The following CRB1 variants were observed in gnomAD, a reference collection of about 807,000 sequenced individuals.
CRB1 encodes the protein crumbs cell polarity complex component 1.
Under a neutral mutation model 120.0 loss-of-function variants are expected in CRB1, and 83 were observed. That is an observed-to-expected ratio of 0.69 (90% confidence interval 0.58 to 0.83). The LOEUF is 0.83. Ranked by LOEUF, CRB1 falls within the 40% of genes least tolerant of loss-of-function variation. The pLI, the probability that CRB1 is intolerant of heterozygous loss-of-function variation, is 0.00. For synonymous variants in CRB1, 625 were observed against 612.5 expected, an observed-to-expected ratio of 1.02 and a Z score of -0.30; for missense variants, 1,699 against 1,687.6, an observed-to-expected ratio of 1.01 and a Z score of -0.12.
At chr1:197,318,484 C>T (rs183428557) in intron 1 of CRB1, among the ~76,000 whole-genome samples, 3 of 152,278 alleles carry the variant, frequency 2.0e-5, no homozygotes, top group African/African-American at 7.2e-5. Flanking sequence ...TATGATCCAG[C>T]AATCCCACTA....
At chr1:197,290,368 G>T (rs1232385233) in intron 1 of CRB1, among the ~76,000 whole-genome samples, 4 of 150,024 alleles carry the variant, frequency 2.7e-5, no homozygotes, top group African/African-American at 9.8e-5. Flanking sequence ...AGAGTCTCAG[G>T]GTTTTGATTT....
chr1:197,463,235 C>T (rs1430908661), intron 11 of CRB1, among the ~76,000 whole-genome samples: 3 of 152,138 alleles, frequency 2.0e-5, no homozygotes, highest in Non-Finnish European at 4.4e-5. Flanking sequence ...TCTATGCAGA[C>T]ACTGTTTGTA....
chr1:197,469,107 C>G (rs1272627931), intron 11 of CRB1, among the ~76,000 whole-genome samples: 1 of 152,108 alleles, frequency 6.6e-6, no homozygotes, highest in Non-Finnish European at 1.5e-5. Context: ...GTAATCCTAG[C>G]ACTTTGGGAA....
chr1:197,402,669 C>A (rs1419045009), intron 5 of CRB1, among the ~76,000 whole-genome samples: 1 of 152,248 alleles, frequency 6.6e-6, no homozygotes, highest in African/African-American at 2.4e-5. Context: ...GTCCCTTTAT[C>A]TCTGGGATAG....
intron 5 of CRB1, chr1:197,363,892 C>A: frequency 8.7e-7 from 1 of 1,155,970 alleles, no homozygotes; most frequent in East Asian, 2.3e-5. Context: ...ATAGAGGACC[C>A]TAAACAGAAT....
At chr1:197,297,849 G>A (rs1436133754) in intron 1 of CRB1, among the ~76,000 whole-genome samples, 1 of 152,098 alleles carries the variant, frequency 6.6e-6, no homozygotes, top group Non-Finnish European at 1.5e-5. Flanking sequence ...AAGAGATAGA[G>A]AGATAAGATA....
intron 5 of CRB1, 30 bp from the exon 6 acceptor site, chr1:197,420,970 T>C: frequency 7.6e-7 from 1 of 1,324,094 alleles, no homozygotes; most frequent in Non-Finnish European, 1.1e-6. Flanking sequence ...TGAATATATA[T>C]AATTTTAGCC....
Position 197,344,269 on chromosome 1 carries a change from C to G in CRB1, c.653-12C>G, listed in dbSNP as rs767361600. 1.2e-5 allele frequency: 20 copies of G among 1,613,874 alleles called. 1 individual carries two copies. The South Asian group carries it at 2.2e-4, about 18-fold the overall frequency. On this transcript the variant is annotated splice_polypyrimidine_tract_variant and intron_variant, in intron 2 of 11. Coordinates refer to ENST00000367400, the MANE Select transcript of CRB1 (RefSeq NM_201253.3). ...ACTTTTTCTGTTTTTTCTGTGCTGA[C>G]TTTTTTAAAAGGTGTAAACTGTGAA...
intron 5 of CRB1, among the ~76,000 whole-genome samples, chr1:197,369,036 T>G (rs1175523376): frequency 1.3e-5 from 2 of 152,052 alleles, no homozygotes; most frequent in African/African-American, 2.4e-5. Context: ...AAATGTTCAT[T>G]GGGGAGGTTG....
At chr1:197,472,634 G>T (rs1402436961) in intron 11 of CRB1, among the ~76,000 whole-genome samples, 1 of 152,146 alleles carries the variant, frequency 6.6e-6, no homozygotes, top group Non-Finnish European at 1.5e-5. Flanking sequence ...GCTGACAACA[G>T]AATTTGTCTC....
intron 1 of CRB1, among the ~76,000 whole-genome samples, chr1:197,304,997 C>G (rs569233293): frequency 6.6e-6 from 1 of 152,166 alleles, no homozygotes; most frequent in African/African-American, 2.4e-5. Flanking sequence ...TTAGTCATTA[C>G]TGGAAGGCCC....
intron 11 of CRB1, among the ~76,000 whole-genome samples, chr1:197,465,390 TA>T (rs941105923): frequency 9.8e-5 from 15 of 152,310 alleles, no homozygotes; most frequent in Admixed American, 4.6e-4. Flanking sequence ...GGTTTGTTTT[TA>T]TTTTTTTTTT....
chr1:197,399,720 TG>T (rs1662966058), intron 5 of CRB1, among the ~76,000 whole-genome samples: 1 of 152,172 alleles, frequency 6.6e-6, no homozygotes, highest in South Asian at 2.1e-4. Flanking sequence ...CCTCCAGGGC[TG>T]GGGTCTCCTC....
At chr1:197,438,790 C>A in intron 10 of CRB1, 115 bp downstream of exon 10, 1 of 1,333,678 alleles carries the variant, frequency 7.5e-7, no homozygotes, top group South Asian at 1.2e-5. Flanking sequence ...AAAATCTATG[C>A]TGAAATAGAG....
chr1:197,447,535 G>T (rs972967165), intron 11 of CRB1: 1 of 152,278 alleles, frequency 6.6e-6, no homozygotes, highest in African/African-American at 2.4e-5. Context: ...CAACCATGGG[G>T]GGTTCACTTA....
intron 4 of CRB1, among the ~76,000 whole-genome samples, chr1:197,354,929 T>A (rs1660377651): frequency 7.4e-6 from 1 of 134,900 alleles, no homozygotes; most frequent in Non-Finnish European, 1.6e-5. Flanking sequence ...GAGAGCTGAT[T>A]GGTCCATTTT....
intron 1 of CRB1, among the ~76,000 whole-genome samples, chr1:197,315,816 A>G (rs954063927): frequency 1.3e-5 from 2 of 152,246 alleles, no homozygotes; most frequent in African/African-American, 4.8e-5. Flanking sequence ...TGAATTCAGT[A>G]TCCTGAAAAT....
chr1:197,404,587 G>C (rs1285883148), intron 5 of CRB1, among the ~76,000 whole-genome samples: 2 of 151,602 alleles, frequency 1.3e-5, no homozygotes, highest in African/African-American at 4.9e-5. Flanking sequence ...CTCCAATTCA[G>C]ACAGTAAGTT....
At chr1:197,431,914 T>C (rs1664887049) in intron 8 of CRB1, among the ~76,000 whole-genome samples, 2 of 152,306 alleles carry the variant, frequency 1.3e-5, no homozygotes, top group Admixed American at 1.3e-4. Context: ...TTTTATGTAA[T>C]CTTATGACTC....
Sources: gnomAD v4.1 joint callset for allele counts (sites outside exome capture counted in the v4.1 genomes callset) on GRCh38, gnomAD v4.1.1 for gene constraint, MANE v1.5 for transcripts, NCBI Gene and HGNC (gene_info 2026-07-23, HGNC 2026-07-21) for gene names.